Variants in ZBTB16 observed in about 807,000 individuals in gnomAD.
The protein encoded by ZBTB16 is zinc finger and BTB domain-containing protein 16.
ZBTB16 carries 8 observed loss-of-function variants against 56.8 expected under a neutral mutation model. That is an observed-to-expected ratio of 0.14 (90% CI 0.08 to 0.25). The LOEUF (loss-of-function observed/expected upper bound fraction) is 0.25, where lower values mean the gene tolerates loss of function less well. ZBTB16 is among the 10% of genes least tolerant of loss of function. The probability of loss-of-function intolerance (pLI) is 1.00; values close to 1 mark genes in which losing one functional copy is unlikely to be tolerated. For synonymous variants in ZBTB16, 363 were observed against 368.5 expected, an observed-to-expected ratio of 0.98 and a Z score of 0.17; for missense variants, 625 against 903.0, an observed-to-expected ratio of 0.69 and a Z score of 3.95.
chr11:114,231,949 C>T (rs967498602), intron 4 of ZBTB16, among the ~76,000 whole-genome samples: 2 of 152,082 alleles, frequency 1.3e-5, no homozygotes, highest in Non-Finnish European at 2.9e-5. Flanking sequence ...AGTAACCCAC[C>T]CAGGAGTGCA....
chr11:114,245,233 C>T (rs1944790702), intron 5 of ZBTB16, among the ~76,000 whole-genome samples: 1 of 152,234 alleles, frequency 6.6e-6, no homozygotes, highest in African/African-American at 2.4e-5. Flanking sequence ...GTAGCAATTT[C>T]CCCAACTGAG....
chr11:114,146,179 C>G (rs75070499), intron 2 of ZBTB16, among the ~76,000 whole-genome samples: 6,067 of 152,086 alleles, frequency 0.04, 407 homozygotes, highest in African/African-American at 0.14. Context: ...AGACCCACAG[C>G]CTGTCAGTAG....
At chr11:114,160,418 C>T (rs531551067) in intron 3 of ZBTB16, among the ~76,000 whole-genome samples, 2 of 152,336 alleles carry the variant, frequency 1.3e-5, no homozygotes, top group South Asian at 2.1e-4. Flanking sequence ...CCTCCTTTCT[C>T]TCCCTGTCGT....
At chr11:114,233,803 A>G (rs983097859) in intron 4 of ZBTB16, among the ~76,000 whole-genome samples, 1 of 152,134 alleles carries the variant, frequency 6.6e-6, no homozygotes, top group Non-Finnish European at 1.5e-5. Context: ...TGAGCTGACA[A>G]ATTTGTTTAC....
Position 114,063,759 on chromosome 11 carries a change from C to T in ZBTB16, c.459C>T (p.Leu153=). 1 of 1,614,062 alleles carries T rather than the reference C, an allele frequency of 6.2e-7. No individual in the cohort carries two copies. The highest frequency in any genetic ancestry group is 8.5e-7 in the Non-Finnish European group (1 of 1,180,048). The change falls in exon 2 of 7, where the codon CTC becomes CTT. Residue 153 remains leucine, a synonymous_variant. Transcript: ENST00000335953. This position sits in a 1 kb window ranked among gnomAD's most constrained non-coding sequence, Gnocchi z 6.5. ...EEEEDRKARY[L]KNIFISKHSS... is the part of the protein sequence containing the mutation. ...AAGAGGACCGCAAGGCTCGGTACCT[C>T]AAGAACATCTTCATCTCGAAGCATT...
chr11:114,118,119 A>G (rs140948673), intron 2 of ZBTB16, among the ~76,000 whole-genome samples: 41 of 152,292 alleles, frequency 2.7e-4, no homozygotes, highest in Admixed American at 5.9e-4. Context: ...CTAACTGCAT[A>G]TTTGATTACT....
Position 114,060,793 on chromosome 11 carries a change from GGC to G in ZBTB16, c.-91+916_-91+917del, listed in dbSNP as rs1173473248. On this transcript the variant is annotated intron_variant, in intron 1 of 6. Transcript: ENST00000335953. The surrounding 1 kb of genome is among the most constrained non-coding windows in gnomAD (Gnocchi z 6.0). ...AGACGCTCGCACCGTGCTTGGGCCG[GGC>G]GCGCTGGCCGCTGGCGCCGCTGGCC... is the stretch of plus-strand genomic sequence containing the variant. Among the ~76,000 whole-genome samples the G allele has an allele frequency of 1.3e-5, 2 of 152,040 alleles. No homozygotes were observed. The highest frequency in any genetic ancestry group is 2.4e-5 in the African/African-American group (1 of 41,412).
chr11:114,102,545 C>A (rs1391948334), intron 2 of ZBTB16, among the ~76,000 whole-genome samples: 2 of 151,372 alleles, frequency 1.3e-5, no homozygotes, highest in Admixed American at 6.6e-5. Context: ...GGTAAGTCCC[C>A]CCCACCCCCC....
In ZBTB16 at chr11:114,109,741, G is replaced by A. The variant is rs117818897; in HGVS notation, c.1268+45173G>A. Among the ~76,000 whole-genome samples the A allele has an allele frequency of 5.6e-3, 858 of 152,252 alleles. 12 individuals carry two copies. Among genetic ancestry groups the A allele is most frequent in the East Asian group, 0.049 (255 of 5,162 alleles). ...TGAACTCAGAGAGAGCTGTCTGGGGGCCATCCTTCCAGCAGTCCTGACAGA... is the reference window on the plus strand; with the variant it reads ...TGAACTCAGAGAGAGCTGTCTGGGGACCATCCTTCCAGCAGTCCTGACAGA... On this transcript the variant is annotated intron_variant, in intron 2 of 6. Coordinates refer to ENST00000335953, the MANE Select transcript of ZBTB16 (RefSeq NM_006006.6).
chr11:114,166,201 C>CGTGT (rs3057730), intron 3 of ZBTB16, among the ~76,000 whole-genome samples: 2,261 of 134,110 alleles, frequency 0.017, 34 homozygotes, highest in East Asian at 0.05. Flanking sequence ...GACTGGTCTA[C>CGTGT]GTGTGTGTGT....
At chr11:114,197,407 A>G (rs1263802563) in intron 4 of ZBTB16, among the ~76,000 whole-genome samples, 1 of 152,112 alleles carries the variant, frequency 6.6e-6, no homozygotes, top group Non-Finnish European at 1.5e-5. Flanking sequence ...GAAGGAGTCT[A>G]GGAGGCATAT....
chr11:114,088,137 C>CTTTT, intron 2 of ZBTB16, among the ~76,000 whole-genome samples: 1 of 86,522 alleles, frequency 1.2e-5, no homozygotes, highest in Admixed American at 1.1e-4. Context: ...AAGCCAGATA[C>CTTTT]TTCTTTTTTT....
chr11:114,159,322 A>C (rs1016078205), intron 3 of ZBTB16, among the ~76,000 whole-genome samples: 1 of 152,100 alleles, frequency 6.6e-6, no homozygotes, highest in Middle Eastern at 3.2e-3. Context: ...CTTACTGGGC[A>C]CTGAAGGCTG....
intron 4 of ZBTB16, among the ~76,000 whole-genome samples, chr11:114,235,019 GAAAGA>G (rs1175762298): frequency 8.2e-5 from 12 of 147,222 alleles, no homozygotes; most frequent in Non-Finnish European, 1.5e-4. Context: ...AGAGGGAGCA[GAAAGA>G]CATATCTGAA....
intron 4 of ZBTB16, 191 bp downstream of exon 4, chr11:114,187,229 C>G (rs934729711): frequency 1.5e-6 from 1 of 684,912 alleles, no homozygotes; most frequent in East Asian, 2.7e-5. Context: ...CAGAAGTTTA[C>G]AAGTATGACA....
intron 4 of ZBTB16, chr11:114,209,855 C>T: frequency 1.0e-6 from 1 of 985,380 alleles, no homozygotes; most frequent in Non-Finnish European, 1.2e-6. Context: ...CTGTGGGTCT[C>T]ATGTTTGTTG....
At chr11:114,178,487 A>AGCGT (rs1943172852) in intron 3 of ZBTB16, among the ~76,000 whole-genome samples, 1 of 152,150 alleles carries the variant, frequency 6.6e-6, no homozygotes, top group Admixed American at 6.5e-5. Flanking sequence ...GATTCCAGAG[A>AGCGT]GCGTGCTCTT....
At chr11:114,199,149 C>G (rs1943672984) in intron 4 of ZBTB16, among the ~76,000 whole-genome samples, 1 of 152,206 alleles carries the variant, frequency 6.6e-6, no homozygotes, top group African/African-American at 2.4e-5. Flanking sequence ...GACCGGGATG[C>G]CAGACACGGA....
At chr11:114,138,686 A>T (rs3214101) in intron 2 of ZBTB16, among the ~76,000 whole-genome samples, 45,878 of 133,002 alleles carry the variant, frequency 0.34, 7,133 homozygotes, top group African/African-American at 0.39. Context: ...ATTTTTTTTT[A>T]AATTATTTTT....
Sources: allele counts gnomAD v4.1 joint callset (sites outside exome capture counted in the v4.1 genomes callset), GRCh38; gene constraint gnomAD v4.1.1; non-coding constraint Gnocchi (gnomAD v3.1); transcripts MANE v1.5; gene names NCBI Gene and HGNC (gene_info 2026-07-23, HGNC 2026-07-21).